TSHR: variants seen among roughly 807,000 people sequenced by gnomAD.
TSHR encodes thyrotropin receptor.
In TSHR, 51 loss-of-function variants were observed where a neutral mutation model predicts 64.1. The ratio of observed to expected loss-of-function variants is 0.80; its 90% CI spans 0.64 to 1.01. TSHR has a LOEUF of 1.01. TSHR is among the 50% of genes least tolerant of loss of function. The pLI is 0.00. For missense variants in TSHR, 877 were observed against 942.8 expected (o/e 0.93, Z 0.91); for synonymous variants, 361 against 361.9 (o/e 1.00, Z 0.03).
At chr14:81,047,368 C>T (rs1566779076) in intron 1 of TSHR, among the ~76,000 whole-genome samples, 1 of 152,146 alleles carries the variant, frequency 6.6e-6, no homozygotes, top group Non-Finnish European at 1.5e-5. Flanking sequence ...CTATGGTATT[C>T]CATATGTCTG....
chr14:81,091,039 CT>C (rs749647604), intron 4 of TSHR, 29 bp from the exon 5 acceptor site: 29 of 1,573,220 alleles, frequency 1.8e-5, no homozygotes, highest in Non-Finnish European at 1.8e-5. Flanking sequence ...AAATTCTATG[CT>C]TTTTTTTCTC....
intron 3 of TSHR, among the ~76,000 whole-genome samples, chr14:81,083,915 A>T (rs1224204131): frequency 6.6e-6 from 1 of 152,170 alleles, no homozygotes; most frequent in Non-Finnish European, 1.5e-5. Flanking sequence ...AGTGGGGTAG[A>T]TCCCCTTATA....
chr14:81,083,867 T>C (rs1457696277), intron 3 of TSHR, among the ~76,000 whole-genome samples: 8 of 152,182 alleles, frequency 5.3e-5, no homozygotes, highest in Non-Finnish European at 1.2e-4. Context: ...AAACAGGTTC[T>C]TTCTCACATG....
intron 8 of TSHR, 49 bp downstream of exon 8, chr14:81,108,501 T>TTTTTTTTTTTTTTTTTTTTTTTTC: frequency 6.6e-7 from 1 of 1,504,824 alleles, no homozygotes; most frequent in Non-Finnish European, 9.1e-7. Context: ...TTTCTTTTTT[T>TTTTTTTTTTTTTTTTTTTTTTTTC]TTTTTTGGAA....
At position 81,086,531 on chromosome 14, in the gene TSHR, G is replaced by A. The variant is rs554177877; in HGVS notation, c.318-1423G>A. Among the ~76,000 whole-genome samples, 7 of 152,256 alleles carry A rather than the reference G, an allele frequency of 4.6e-5. No individual in the cohort carries two copies. In the South Asian group the frequency reaches 1.5e-3, roughly 32 times the overall value. On this transcript the variant is annotated intron_variant, in intron 3 of 9. Transcript: ENST00000298171. ...TAACAATAATAAAAGCATTATTTTA[G>A]AGCCCTAACTATGTGGAGGCCAAAC...
chr14:81,101,708 C>A (rs1415522132), intron 7 of TSHR, among the ~76,000 whole-genome samples: 2 of 152,132 alleles, frequency 1.3e-5, no homozygotes, highest in African/African-American at 4.8e-5. Context: ...ACACATACCA[C>A]CACACTCACT....
intron 1 of TSHR, among the ~76,000 whole-genome samples, chr14:81,046,884 C>G (rs1885192256): frequency 6.6e-6 from 1 of 152,074 alleles, no homozygotes; most frequent in South Asian, 2.1e-4. Flanking sequence ...TTGTCAGAAA[C>G]TTCACAGGCT....
intron 8 of TSHR, among the ~76,000 whole-genome samples, chr14:81,122,851 G>A (rs1218453227): frequency 2.0e-5 from 3 of 152,184 alleles, no homozygotes; most frequent in South Asian, 2.1e-4. Context: ...TAGGCTGGGC[G>A]TGGTGGCTCA....
At chr14:80,993,089 A>G (rs1441156696) in intron 1 of TSHR, 1 of 152,222 alleles carries the variant, frequency 6.6e-6, no homozygotes, top group African/African-American at 2.4e-5. Context: ...GAAAAATAAA[A>G]TATAGATTTG....
chr14:81,069,836 G>T (rs1020487125), intron 3 of TSHR, among the ~76,000 whole-genome samples: 1 of 152,120 alleles, frequency 6.6e-6, no homozygotes, highest in African/African-American at 2.4e-5. Flanking sequence ...AATAGAAAAT[G>T]ATCCATAGGA....
At chr14:81,073,019 T>A (rs12888403) in intron 3 of TSHR, among the ~76,000 whole-genome samples, 16,448 of 25,134 alleles carry the variant, frequency 0.65, 5,593 homozygotes, top group African/African-American at 0.74. Context: ...AAATAAAAAA[T>A]AAATATATAT....
At chr14:80,982,471 A>G (rs1888224026) in intron 1 of TSHR, 1 of 1,098,742 alleles carries the variant, frequency 9.1e-7, no homozygotes, top group Non-Finnish European at 1.2e-6. Flanking sequence ...TTGCAAACCT[A>G]GGTCTGGGGC....
intron 8 of TSHR, among the ~76,000 whole-genome samples, chr14:81,126,279 C>T (rs1353481101): frequency 6.6e-6 from 1 of 152,192 alleles, no homozygotes; most frequent in Non-Finnish European, 1.5e-5. Flanking sequence ...TCCTCAAAAT[C>T]ATACAAACCT....
intron 1 of TSHR, chr14:81,013,076 T>C (rs1256387111): frequency 6.6e-6 from 1 of 152,134 alleles, no homozygotes; most frequent in African/African-American, 2.4e-5. Context: ...TGGTTTTAGG[T>C]CTAACGTTTA....
intron 3 of TSHR, among the ~76,000 whole-genome samples, chr14:81,082,037 G>C (rs1211577425): frequency 6.6e-6 from 1 of 151,886 alleles, no homozygotes; most frequent in East Asian, 1.9e-4. Flanking sequence ...TGTCCCAGAG[G>C]CAGCAACAGG....
intron 1 of TSHR, among the ~76,000 whole-genome samples, chr14:81,044,741 A>T (rs750148781): frequency 1.3e-5 from 2 of 152,080 alleles, no homozygotes; most frequent in Non-Finnish European, 2.9e-5. Context: ...CTAAAAAGTC[A>T]AAAAACAACA....
At chr14:81,066,564 T>C (rs78127636) in intron 2 of TSHR, among the ~76,000 whole-genome samples, 7,039 of 152,212 alleles carry the variant, frequency 0.046, 525 homozygotes, top group African/African-American at 0.15. Flanking sequence ...GATAAAAACT[T>C]AGAATGGAAC....
At position 80,987,830 on chromosome 14, in the gene TSHR, T is replaced by C. The variant is rs76044034; in HGVS notation, c.170+31980T>C. Among the ~76,000 whole-genome samples the C allele has an allele frequency of 7.1e-3, 1,077 of 152,322 alleles. 18 individuals are homozygous for C. Among genetic ancestry groups the C allele is most frequent in the African/African-American group, 0.024 (1,003 of 41,554 alleles). On this transcript the variant is annotated intron_variant, in intron 1 of 9. Transcript: ENST00000298171. ...CTACCAAAACTTGCCATCCCATTGA[T>C]ACAAGGCCCTCTCAAGTCTTCTGGA...
chr14:81,033,620 TAA>T (rs558393145), intron 1 of TSHR, among the ~76,000 whole-genome samples: 15 of 131,210 alleles, frequency 1.1e-4, no homozygotes, highest in Middle Eastern at 3.5e-3. Context: ...GGTCTTTTTC[TAA>T]AAAAAAAAAA....
Sources: gnomAD v4.1 joint callset for allele counts (sites outside exome capture counted in the v4.1 genomes callset) on GRCh38, gnomAD v4.1.1 for gene constraint, MANE v1.5 for transcripts, NCBI Gene and HGNC (gene_info 2026-07-23, HGNC 2026-07-21) for gene names.